GRIK1: variants seen among roughly 807,000 people sequenced by gnomAD.
GRIK1 encodes the protein glutamate receptor ionotropic, kainate 1.
Under a neutral mutation model 105.7 loss-of-function variants are expected in GRIK1, and 69 were observed. The ratio of observed to expected loss-of-function variants is 0.65; its 90% CI spans 0.54 to 0.80. GRIK1 has a LOEUF of 0.80. Among genes scored for constraint, GRIK1 ranks in the 30% least tolerant of loss-of-function variants. The pLI, the probability that GRIK1 is intolerant of heterozygous loss-of-function variation, is 0.00. For synonymous variants in GRIK1, 438 were observed against 431.3 expected, an observed-to-expected ratio of 1.02 and a Z score of -0.19; for missense variants, 1,109 against 1,167.3, an observed-to-expected ratio of 0.95 and a Z score of 0.73.
At chr21:29,883,139 A>G (rs193208643) in intron 1 of GRIK1, among the ~76,000 whole-genome samples, 16 of 152,228 alleles carry the variant, frequency 1.1e-4, no homozygotes, top group African/African-American at 3.9e-4. Flanking sequence ...TATTTAATAT[A>G]TTTGGAAGGT....
At chr21:29,573,423 G>T (rs904879136) in intron 14 of GRIK1, among the ~76,000 whole-genome samples, 1 of 152,176 alleles carries the variant, frequency 6.6e-6, no homozygotes, top group Non-Finnish European at 1.5e-5. Context: ...CTTAAAGAGG[G>T]GCATGAGAAA....
At chr21:29,922,341 ATTTG>A (rs1167705858) in intron 1 of GRIK1, among the ~76,000 whole-genome samples, 7 of 152,234 alleles carry the variant, frequency 4.6e-5, no homozygotes, top group Non-Finnish European at 7.4e-5. Context: ...TTTTCTATAT[ATTTG>A]TTTATTTCTT....
chr21:29,683,555 T>C (rs1287962911), intron 3 of GRIK1, among the ~76,000 whole-genome samples: 4 of 152,142 alleles, frequency 2.6e-5, no homozygotes, highest in African/African-American at 7.2e-5. Flanking sequence ...ATCTTACTTA[T>C]AAGTGAAAGC....
At chr21:29,661,017 G>T (rs2062951714) in intron 4 of GRIK1, among the ~76,000 whole-genome samples, 1 of 151,714 alleles carries the variant, frequency 6.6e-6, no homozygotes, top group Non-Finnish European at 1.5e-5. Flanking sequence ...ATTTTAGGCT[G>T]CATCTATACT....
intron 1 of GRIK1, among the ~76,000 whole-genome samples, chr21:29,741,604 A>G (rs1274606836): frequency 6.6e-6 from 1 of 152,222 alleles, no homozygotes; most frequent in Non-Finnish European, 1.5e-5. Flanking sequence ...TTAAATTTCA[A>G]CAGCCTACAT....
intron 6 of GRIK1, among the ~76,000 whole-genome samples, chr21:29,646,763 G>T (rs1482229035): frequency 6.6e-6 from 1 of 152,138 alleles, no homozygotes; most frequent in Non-Finnish European, 1.5e-5. Context: ...TTCCATCTTG[G>T]GCTATATGTG....
intron 1 of GRIK1, among the ~76,000 whole-genome samples, chr21:29,782,190 C>G (rs1388988842): frequency 6.6e-6 from 1 of 151,294 alleles, no homozygotes; most frequent in Non-Finnish European, 1.5e-5. Flanking sequence ...GGGTTCACGC[C>G]ATTCTCCTGC....
At chr21:29,761,018 G>A (rs1344384369) in intron 1 of GRIK1, among the ~76,000 whole-genome samples, 1 of 152,158 alleles carries the variant, frequency 6.6e-6, no homozygotes, top group African/African-American at 2.4e-5. Context: ...CCTTTCCTGT[G>A]TGATACTTGC....
Position 29,783,696 on chromosome 21 carries a change from A to T in GRIK1, c.119-89633T>A, listed in dbSNP as rs187512193. Among the ~76,000 whole-genome samples the T allele has an allele frequency of 4.4e-3, 676 of 152,166 alleles. 4 individuals carry two copies. The highest frequency in any genetic ancestry group is 0.014 in the South Asian group (68 of 4,826). On this transcript the variant is annotated intron_variant, in intron 1 of 17. Coordinates refer to ENST00000327783, the MANE Select transcript of GRIK1 (RefSeq NM_001330994.2). ...TTGTTTTACACATAATGCTGCATTT[A>T]TCTTATACTATATTTTATGTATACT...
At chr21:29,643,981 T>C (rs1323510861) in intron 6 of GRIK1, among the ~76,000 whole-genome samples, 1 of 152,160 alleles carries the variant, frequency 6.6e-6, no homozygotes, top group African/African-American at 2.4e-5. Flanking sequence ...ATCCCAGAGA[T>C]GTCACTACTT....
chr21:29,611,028 G>A (rs2061719705), intron 7 of GRIK1, among the ~76,000 whole-genome samples: 1 of 151,198 alleles, frequency 6.6e-6, no homozygotes, highest in South Asian at 2.2e-4. Flanking sequence ...ATAATCTTTG[G>A]AAATTATTTA....
At chr21:29,898,729 T>G (rs1396328957) in intron 1 of GRIK1, among the ~76,000 whole-genome samples, 5 of 152,262 alleles carry the variant, frequency 3.3e-5, no homozygotes, top group African/African-American at 4.8e-5. Flanking sequence ...GATAGCATAC[T>G]TTTCTTATAG....
At chr21:29,923,740 G>A (rs1951695802) in intron 1 of GRIK1, among the ~76,000 whole-genome samples, 1 of 152,168 alleles carries the variant, frequency 6.6e-6, no homozygotes, top group Non-Finnish European at 1.5e-5. Flanking sequence ...TCAGAACACA[G>A]ACTGACAAAC....
intron 1 of GRIK1, among the ~76,000 whole-genome samples, chr21:29,773,440 G>T (rs2065863255): frequency 6.6e-6 from 1 of 152,056 alleles, no homozygotes; most frequent in South Asian, 2.1e-4. Flanking sequence ...CAAGTTTTCT[G>T]CTTGTCTACT....
intron 1 of GRIK1, among the ~76,000 whole-genome samples, chr21:29,731,019 G>C (rs2064610706): frequency 6.6e-6 from 1 of 152,126 alleles, no homozygotes; most frequent in Admixed American, 6.5e-5. Flanking sequence ...ATTACTAGCT[G>C]AAGAAAAATG....
At chr21:29,589,815 A>G (rs1430975275) in intron 10 of GRIK1, among the ~76,000 whole-genome samples, 1 of 151,996 alleles carries the variant, frequency 6.6e-6, no homozygotes, top group Non-Finnish European at 1.5e-5. Flanking sequence ...GACTATTCTC[A>G]TTTCTTTATC....
At chr21:29,671,775 G>A (rs562255194) in intron 4 of GRIK1, among the ~76,000 whole-genome samples, 3 of 152,090 alleles carry the variant, frequency 2.0e-5, no homozygotes, top group African/African-American at 7.2e-5. Context: ...TAAATATAAA[G>A]AGATGGCCGG....
chr21:29,817,731 G>C (rs1320218310), intron 1 of GRIK1, among the ~76,000 whole-genome samples: 1 of 152,110 alleles, frequency 6.6e-6, no homozygotes, highest in Non-Finnish European at 1.5e-5. Context: ...ACCATGAAAT[G>C]GGATCAATAA....
At chr21:29,684,714 G>A (rs2063455303) in intron 3 of GRIK1, among the ~76,000 whole-genome samples, 1 of 152,034 alleles carries the variant, frequency 6.6e-6, no homozygotes, top group Non-Finnish European at 1.5e-5. Flanking sequence ...GTTTCACCGT[G>A]TTAGCCAGGA....
Sources: gnomAD v4.1 joint callset for allele counts (sites outside exome capture counted in the v4.1 genomes callset) on GRCh38, gnomAD v4.1.1 for gene constraint, MANE v1.5 for transcripts, NCBI Gene and HGNC (gene_info 2026-07-23, HGNC 2026-07-21) for gene names.